The following GRHL3 variants were observed in gnomAD, a reference collection of about 807,000 sequenced individuals.
The protein encoded by GRHL3 is grainyhead-like protein 3 homolog.
A neutral mutation model predicts 70.3 loss-of-function variants in GRHL3; 20 were observed. The ratio of observed to expected loss-of-function variants is 0.28; its 90% CI spans 0.20 to 0.41. The LOEUF is 0.41. GRHL3 is among the 10% of genes least tolerant of loss of function. The pLI, the probability that GRHL3 is intolerant of heterozygous loss-of-function variation, is 1.00. For missense variants in GRHL3, 637 were observed against 762.3 expected (o/e 0.84, Z 1.94); for synonymous variants, 299 against 299.9 (o/e 1.00, Z 0.03).
Position 24,319,563 on chromosome 1 carries a change from A to C in GRHL3, c.12A>C (p.Glu4Asp). 6.2e-7 allele frequency: 1 copy of C among 1,613,922 alleles called. No homozygotes were observed. ...TTGGGAGCAGGAAGATGTCGAATGA[A>C]CTTGAGTGAGTAAACATCGGTGGAT... Reference protein sequence around the residue: MSNELDFRSVRLLK... With the variant: MSNDLDFRSVRLLK... Residue 4 changes from glutamate (E) to aspartate (D), a missense_variant, in exon 1 of 16, where the codon GAA becomes GAC. Around this residue, in one of 2 missense-constraint regions of GRHL3, gnomAD observed 250 missense variants for 248.6 expected, o/e 1.01. Transcript: ENST00000361548.
intron 8 of GRHL3, among the ~76,000 whole-genome samples, 198 bp from the exon 9 acceptor site, chr1:24,341,917 G>A (rs114663417): frequency 3.3e-5 from 5 of 152,194 alleles, no homozygotes; most frequent in Non-Finnish European, 7.4e-5. Flanking sequence ...GTGTCACCTC[G>A]GGAAAGTTGC....
chr1:24,347,984 G>A (rs1361479955), intron 14 of GRHL3, among the ~76,000 whole-genome samples: 1 of 152,050 alleles, frequency 6.6e-6, no homozygotes, highest in African/African-American at 2.4e-5. Flanking sequence ...GGCAATGTCT[G>A]TGCAAGGAGA....
At chr1:24,330,610 G>A (rs1310482496) in intron 1 of GRHL3, among the ~76,000 whole-genome samples, 2 of 152,128 alleles carry the variant, frequency 1.3e-5, no homozygotes, top group Middle Eastern at 3.2e-3. Flanking sequence ...TTATTTTTCT[G>A]TTAGGTCCCT....
At chr1:24,358,501 T>G (rs1640871277), downstream of GRHL3, 1 of 1,512,890 alleles carries the variant, frequency 6.6e-7, no homozygotes. Flanking sequence ...CTGGGCAGGG[T>G]GGGCTGGTGG....
intron 3 of GRHL3, among the ~76,000 whole-genome samples, chr1:24,336,220 T>G (rs897962030): frequency 6.6e-6 from 1 of 152,110 alleles, no homozygotes; most frequent in Non-Finnish European, 1.5e-5. Context: ...TCAGGGTTTT[T>G]TTTTTTTTTA....
intron 14 of GRHL3, among the ~76,000 whole-genome samples, chr1:24,347,896 C>G (rs1190343225): frequency 6.6e-6 from 1 of 152,146 alleles, no homozygotes; most frequent in Admixed American, 6.5e-5. Flanking sequence ...GCCCCAGAGA[C>G]GCTCTCTTTT....
Position 24,354,530 on chromosome 1 carries a change from A to ATG in GRHL3, c.*42_*43insTG. 2.3e-6 allele frequency: 3 copies of ATG among 1,298,890 alleles called. No individual in the cohort carries two copies. The highest frequency in any genetic ancestry group is 3.4e-6 in the Non-Finnish European group (3 of 893,294). The allele number at this position is 1,298,890 out of a possible 1,614,324, so 80.5% of individuals were successfully genotyped here. ...AAACCCTCACGACCTGCAAGGGGCC[A>ATG]GCAGGGACGTGGCCCCACGCCACAC... is the stretch of plus-strand genomic sequence containing the variant. On this transcript the variant is annotated 3_prime_UTR_variant, in exon 16 of 16. Coordinates refer to ENST00000361548, the MANE Select transcript of GRHL3 (RefSeq NM_198173.3).
Position 24,342,126 on chromosome 1 carries a change from C to A in GRHL3, c.1059C>A (p.Gly353=). The A allele has an allele frequency of 1.3e-6, 2 of 1,589,312 alleles. No homozygotes were observed. The highest frequency in any genetic ancestry group is 1.7e-6 in the Non-Finnish European group (2 of 1,166,704). The change falls in exon 9 of 16, where the codon GGC becomes GGA. Residue 353 remains glycine (G), a synonymous_variant. Transcript: ENST00000361548. The surrounding 1 kb of genome is among the most constrained non-coding windows in gnomAD (Gnocchi z 4.8). Reference sequence around the variant, plus strand: ...CCCTCTGTCTCCAGGTGTTCATCGGCGTAAACTGTCTGAGCACAGACTTTT... The same window carrying A: ...CCCTCTGTCTCCAGGTGTTCATCGGAGTAAACTGTCTGAGCACAGACTTTT... The part of the protein sequence containing the change: ...NVNEEAKVFI[G]VNCLSTDFSS...
At chr1:24,335,743 C>T (rs904928335) in intron 3 of GRHL3, among the ~76,000 whole-genome samples, 3 of 152,080 alleles carry the variant, frequency 2.0e-5, no homozygotes, top group Non-Finnish European at 2.9e-5. Context: ...CCACCTCGCC[C>T]GGCTAATATT....
At chr1:24,357,461 C>T (rs1640800963), downstream of GRHL3, 1 of 152,720 alleles carries the variant, frequency 6.5e-6, no homozygotes, top group Admixed American at 6.5e-5. Context: ...CTGCCCAGAC[C>T]CCACCCTGGA....
chr1:24,356,455 G>A (rs1640721958), downstream of GRHL3, among the ~76,000 whole-genome samples: 2 of 151,676 alleles, frequency 1.3e-5, 1 homozygote, highest in Admixed American at 1.3e-4. Flanking sequence ...TAGCCAGGAT[G>A]GTCTCGATCT....
At position 24,346,573 on chromosome 1, in the gene GRHL3, G is replaced by A; in HGVS notation, c.1475G>A (p.Cys492Tyr). The change falls in exon 13 of 16, where the codon TGC (cysteine) becomes TAC (tyrosine). Residue 492 changes from cysteine to tyrosine, a missense_variant. Physicochemically the swap from Cys to Tyr is radical, Grantham distance 194. Transcript: ENST00000361548. ...SSNRLPLKRT[C>Y]SPFTEEFEPL... ...CACAGGCTGCCTCTGAAGCGTACCT[G>A]CTCGCCCTTCACTGAGGAGTTTGAG... is the stretch of plus-strand genomic sequence containing the variant. 2 of 1,613,064 alleles carry A rather than the reference G, an allele frequency of 1.2e-6. No homozygotes were observed. Among genetic ancestry groups the A allele is most frequent in the Non-Finnish European group, 1.7e-6 (2 of 1,179,488 alleles).
chr1:24,322,223 C>T lies in GRHL3; in HGVS notation c.17+2655C>T, dbSNP rs746792716. ...GCGTCCCCCGCGGCCTCGCTCCCTG[C>T]TCTCTGGGCCCCACCGCTGCCGCCT... On this transcript the variant is annotated intron_variant, in intron 1 of 15. Transcript: ENST00000361548. The surrounding 1 kb of genome is among the most constrained non-coding windows in gnomAD (Gnocchi z 4.4). 2.0e-5 allele frequency among the ~76,000 whole-genome samples: 3 copies of T among 152,168 alleles called. No individual in the cohort carries two copies. The highest frequency in any genetic ancestry group is 4.4e-5 in the Non-Finnish European group (3 of 68,018).
chr1:24,345,649 A>ACC (rs1640250242), intron 12 of GRHL3, among the ~76,000 whole-genome samples: 2 of 151,876 alleles, frequency 1.3e-5, no homozygotes, highest in African/African-American at 4.8e-5. Flanking sequence ...TCCCCAACAC[A>ACC]CCCCCACTGG....
downstream of GRHL3, among the ~76,000 whole-genome samples, chr1:24,359,201 C>T (rs867229366): frequency 6.6e-6 from 1 of 152,320 alleles, no homozygotes; most frequent in South Asian, 2.1e-4. The surrounding 1 kb of genome is among the most constrained non-coding windows in gnomAD (Gnocchi z 5.3). Context: ...GATGCCGGCA[C>T]GTGCACGTGC....
chr1:24,341,848 C>T (rs528221375), intron 8 of GRHL3, among the ~76,000 whole-genome samples: 4 of 152,354 alleles, frequency 2.6e-5, no homozygotes, highest in South Asian at 2.1e-4. Context: ...GTACCAACAG[C>T]GGTGAAAAGC....
At chr1:24,359,484 C>A (rs1640953584), downstream of GRHL3, among the ~76,000 whole-genome samples, 1 of 152,228 alleles carries the variant, frequency 6.6e-6, no homozygotes, top group Non-Finnish European at 1.5e-5. This position sits in a 1 kb window ranked among gnomAD's most constrained non-coding sequence, Gnocchi z 5.3. Flanking sequence ...ACCTCTACAG[C>A]CTTGCTGGTG....
chr1:24,349,913 G>T, intron 14 of GRHL3, 145 bp from the exon 15 acceptor site: 2 of 619,036 alleles, frequency 3.2e-6, no homozygotes, highest in East Asian at 2.8e-5. Context: ...GATTATAGAT[G>T]ATTGTAATTT....
At chr1:24,337,332 A>T (rs151171718) in intron 5 of GRHL3, among the ~76,000 whole-genome samples, 181 bp downstream of exon 5, 146 of 152,302 alleles carry the variant, frequency 9.6e-4, no homozygotes, top group Non-Finnish European at 1.7e-3. Flanking sequence ...TGTGATAGGG[A>T]GCTCAGAACT....
Sources: allele counts gnomAD v4.1 joint callset (sites outside exome capture counted in the v4.1 genomes callset), GRCh38; gene constraint gnomAD v4.1.1; regional missense constraint gnomAD v4.1.1; non-coding constraint Gnocchi (gnomAD v3.1); transcripts MANE v1.5; gene names NCBI Gene and HGNC (gene_info 2026-07-23, HGNC 2026-07-21).